PSTPIP1: variants seen among roughly 807,000 people sequenced by gnomAD.
The protein encoded by PSTPIP1 is proline-serine-threonine phosphatase interacting protein 1, also known as proline-serine-threonine phosphatase-interacting protein 1.
A neutral mutation model predicts 69.6 loss-of-function variants in PSTPIP1; 66 were observed. The observed-to-expected ratio is 0.95, with a 90% CI of 0.78 to 1.16. The LOEUF (loss-of-function observed/expected upper bound fraction) is 1.16, where lower values mean the gene tolerates loss of function less well. Ranked by LOEUF, PSTPIP1 falls within the 50% of genes most tolerant of loss-of-function variation. The probability of loss-of-function intolerance (pLI) is 0.00; values close to 1 mark genes in which losing one functional copy is unlikely to be tolerated. For synonymous variants in PSTPIP1, 266 were observed against 222.7 expected (o/e 1.19, Z -1.73); for missense variants, 603 against 557.4 (o/e 1.08, Z -0.82).
intron 3 of PSTPIP1, chr15:77,024,462 C>T (rs1230853291): frequency 6.6e-6 from 1 of 152,158 alleles, no homozygotes; most frequent in African/African-American, 2.4e-5. Flanking sequence ...GCCATATGGC[C>T]GCCAGGGGGC....
intron 8 of PSTPIP1, 33 bp from the exon 9 acceptor site, chr15:77,030,469 C>A: frequency 4.4e-6 from 7 of 1,604,016 alleles, no homozygotes; most frequent in Non-Finnish European, 6.0e-6. Flanking sequence ...GAGCTCGTGT[C>A]AGGGCCCTCC....
chr15:77,035,413 G>A, intron 12 of PSTPIP1, 95 bp from the exon 13 acceptor site: 1 of 1,286,444 alleles, frequency 7.8e-7, no homozygotes, highest in Non-Finnish European at 1.1e-6. Flanking sequence ...CAGAGCGCGT[G>A]CAGCTCTGAG....
rs1307992911 is a variant in PSTPIP1, at chr15:77,032,388, C to A, written c.832C>A (p.Pro278Thr). 6.2e-7 allele frequency: 1 copy of A among 1,612,622 alleles called. No individual in the cohort carries two copies. The highest frequency in any genetic ancestry group is 8.5e-7 in the Non-Finnish European group (1 of 1,179,754). The change falls in exon 11 of 15, where the codon CCC (proline) becomes ACC (threonine). Residue 278 changes from proline (P) to threonine (T), a missense_variant. By Grantham distance (38) the Pro-to-Thr change is conservative. Coordinates refer to ENST00000558012, the MANE Select transcript of PSTPIP1 (RefSeq NM_003978.5). ...CCAGGCCAAGAGCACGGGCACAGAGCCCCCCGGTGAGGTCCGGCTTGCGGA... is the reference window on the plus strand; with the variant it reads ...CCAGGCCAAGAGCACGGGCACAGAGACCCCCGGTGAGGTCCGGCTTGCGGA... ...FIQAKSTGTE[P>T]PAPVPYQNYY...
chr15:77,019,104 G>A (rs1161756713), intron 3 of PSTPIP1, among the ~76,000 whole-genome samples: 1 of 152,244 alleles, frequency 6.6e-6, no homozygotes, highest in East Asian at 1.9e-4. Context: ...TTAGAGGGCA[G>A]GCCGTCAGGG....
chr15:77,034,873 C>T (rs1433505945), intron 12 of PSTPIP1, among the ~76,000 whole-genome samples: 2 of 152,244 alleles, frequency 1.3e-5, no homozygotes, highest in African/African-American at 2.4e-5. Flanking sequence ...CCTTCATGAC[C>T]CCAGCTCAGT....
chr15:76,995,809 C>T (rs990914875), intron 1 of PSTPIP1, among the ~76,000 whole-genome samples, 200 bp downstream of exon 1: 8 of 152,228 alleles, frequency 5.3e-5, no homozygotes, highest in Non-Finnish European at 1.2e-4. Context: ...CGTGAATGAG[C>T]GTCCTCCTCT....
At position 77,027,765 on chromosome 15, in the gene PSTPIP1, C is replaced by T. The variant is rs1424442920; in HGVS notation, c.355-87C>T. 6.8e-7 allele frequency: 1 copy of T among 1,480,964 alleles called. No homozygotes were observed. Among genetic ancestry groups the T allele is most frequent in the Non-Finnish European group, 9.2e-7 (1 of 1,085,734 alleles). 91.7% of individuals were successfully genotyped at this position (1,480,964 alleles called of 1,614,324 possible). On this transcript the variant is annotated intron_variant, in intron 5 of 14. Transcript: ENST00000558012. This position sits in a 1 kb window ranked among gnomAD's most constrained non-coding sequence, Gnocchi z 4.3. ...CTCCAGAGCCAGGAGAGGTGCTGCG[C>T]CTCATCCCAGGGACACTCCGTCCTC...
chr15:77,026,118 C>A (rs1319855342), intron 5 of PSTPIP1: 1 of 456,064 alleles, frequency 2.2e-6, no homozygotes, highest in Admixed American at 2.3e-5. Context: ...ATATGTAGGG[C>A]ATGGCTGTCC....
At chr15:77,024,453 C>T (rs1166427931) in intron 3 of PSTPIP1, 1 of 152,144 alleles carries the variant, frequency 6.6e-6, no homozygotes, top group Non-Finnish European at 1.5e-5. Context: ...CGTCATGAGG[C>T]CATATGGCCG....
intron 1 of PSTPIP1, among the ~76,000 whole-genome samples, chr15:77,013,669 A>G (rs1176819509): frequency 2.0e-5 from 3 of 152,086 alleles, no homozygotes; most frequent in Non-Finnish European, 4.4e-5. Flanking sequence ...CTGTCAGGCT[A>G]TTCTCATGGA....
At chr15:77,032,540 G>A in intron 11 of PSTPIP1, 146 bp downstream of exon 11, 2 of 799,658 alleles carry the variant, frequency 2.5e-6, no homozygotes, top group South Asian at 3.5e-5. Context: ...GTTGTGGGGA[G>A]TTGGGTCCCA....
intron 6 of PSTPIP1, 51 bp from the exon 7 acceptor site, chr15:77,028,502 AC>A: frequency 1.4e-6 from 2 of 1,447,232 alleles, no homozygotes; most frequent in East Asian, 5.1e-5. Context: ...ACTCCCGGGG[AC>A]CACAGAACAG....
chr15:77,025,957 C>T (rs1309469884), intron 5 of PSTPIP1, among the ~76,000 whole-genome samples: 1 of 152,160 alleles, frequency 6.6e-6, no homozygotes, highest in African/African-American at 2.4e-5. Context: ...GGAAACTGGT[C>T]TTGAGTCCAA....
chr15:77,006,239 AT>A (rs1416450926), intron 1 of PSTPIP1, among the ~76,000 whole-genome samples: 1 of 151,900 alleles, frequency 6.6e-6, no homozygotes, highest in Non-Finnish European at 1.5e-5. Flanking sequence ...GCATCTTTTC[AT>A]GTGTTTATTG....
chr15:77,036,068 G>A (rs778633833), intron 14 of PSTPIP1, 133 bp downstream of exon 14: 6 of 1,249,332 alleles, frequency 4.8e-6, no homozygotes, highest in Non-Finnish European at 6.4e-6. Context: ...TCCTCCTCAG[G>A]AGGGCACGTG....
intron 10 of PSTPIP1, 191 bp downstream of exon 10, chr15:77,031,469 C>T: frequency 1.9e-6 from 1 of 516,990 alleles, no homozygotes; most frequent in Non-Finnish European, 3.5e-6. Flanking sequence ...CCACACAGGG[C>T]CATGGCTTCT....
intron 3 of PSTPIP1, among the ~76,000 whole-genome samples, chr15:77,022,288 A>G (rs1001922606): frequency 6.6e-6 from 1 of 151,956 alleles, no homozygotes; most frequent in African/African-American, 2.4e-5. Context: ...CGAGAGGGCT[A>G]CTCCTGTCAG....
chr15:77,011,284 TC>T (rs1357585214), intron 1 of PSTPIP1, among the ~76,000 whole-genome samples: 6 of 152,240 alleles, frequency 3.9e-5, no homozygotes, highest in Admixed American at 6.5e-5. Context: ...GCCTGTGTTG[TC>T]CCTTCAGTGG....
Position 77,000,456 on chromosome 15 carries a change from G to GATAT in PSTPIP1, c.36+4848_36+4849insTATA, listed in dbSNP as rs1170516021. On this transcript the variant is annotated intron_variant, in intron 1 of 14. Transcript: ENST00000558012. The stretch of plus-strand genomic sequence containing the variant: ...ACCTGTTCCATCCTGGGCATTTAAA[G>GATAT]AGAGATATATATATATATATACACA... Among the ~76,000 whole-genome samples, 17 of 69,234 alleles carry GATAT rather than the reference G, an allele frequency of 2.5e-4. No individual in the cohort carries two copies. The South Asian group carries it at 5.8e-3, about 24-fold the overall frequency. The allele number at this position is 69,234 out of a possible 152,430, so 45.4% of individuals were successfully genotyped here. A position where few individuals can be genotyped will look rare whatever the true frequency, so the allele number is the denominator to read the frequency against.
Sources: gnomAD v4.1 joint callset for allele counts (sites outside exome capture counted in the v4.1 genomes callset) on GRCh38, gnomAD v4.1.1 for gene constraint, Gnocchi (gnomAD v3.1) non-coding constraint, MANE v1.5 for transcripts, NCBI Gene and HGNC (gene_info 2026-07-23, HGNC 2026-07-21) for gene names.